ATP8A2: variants seen among roughly 807,000 people sequenced by gnomAD.
ATP8A2 encodes phospholipid-transporting ATPase IB.
In ATP8A2, 100 loss-of-function variants were observed where a neutral mutation model predicts 165.6. The ratio of observed to expected loss-of-function variants is 0.60; its 90% CI spans 0.51 to 0.71. The LOEUF (loss-of-function observed/expected upper bound fraction) is 0.71, where lower values mean the gene tolerates loss of function less well. Among genes scored for constraint, ATP8A2 ranks in the 30% least tolerant of loss-of-function variants. ATP8A2 has a pLI of 0.00. For missense variants in ATP8A2, 1,227 were observed against 1,479.5 expected, an observed-to-expected ratio of 0.83 and a Z score of 2.80; for synonymous variants, 543 against 548.8, an observed-to-expected ratio of 0.99 and a Z score of 0.15.
chr13:25,440,636 C>T (rs1480679462), intron 1 of ATP8A2, among the ~76,000 whole-genome samples: 2 of 152,186 alleles, frequency 1.3e-5, no homozygotes, highest in Non-Finnish European at 2.9e-5. Flanking sequence ...AGGTAATAGA[C>T]ACGTCTGCAA....
intron 13 of ATP8A2, among the ~76,000 whole-genome samples, chr13:25,556,122 A>G (rs1303963313): frequency 6.6e-6 from 1 of 152,204 alleles, no homozygotes; most frequent in African/African-American, 2.4e-5. Context: ...TCTTTTGGAT[A>G]TATACCCAGT....
At chr13:25,941,025 G>A (rs1348004728) in intron 33 of ATP8A2, among the ~76,000 whole-genome samples, 2 of 152,174 alleles carry the variant, frequency 1.3e-5, no homozygotes, top group African/African-American at 4.8e-5. Flanking sequence ...CCGGCCACAT[G>A]GATCCATCTT....
intron 33 of ATP8A2, among the ~76,000 whole-genome samples, chr13:25,871,947 A>G (rs1355290205): frequency 6.6e-6 from 1 of 152,144 alleles, no homozygotes; most frequent in African/African-American, 2.4e-5. Context: ...CTGTGCTCTG[A>G]AGACAAACCC....
At chr13:25,843,810 A>G (rs1951799585) in intron 30 of ATP8A2, among the ~76,000 whole-genome samples, 2 of 152,102 alleles carry the variant, frequency 1.3e-5, no homozygotes, top group African/African-American at 4.8e-5. Flanking sequence ...GTAGTGGACA[A>G]CCACCCCTAG....
In ATP8A2 at chr13:25,937,602, C is replaced by A. The variant is rs1328054577; in HGVS notation, c.3184-23973C>A. Among the ~76,000 whole-genome samples, 9 of 150,882 alleles carry A rather than the reference C, an allele frequency of 6.0e-5. No individual in the cohort carries two copies. The South Asian group carries it at 8.4e-4, about 14-fold the overall frequency. ...CGGTGGCTCACACCTGTAATCCCAG[C>A]ACTTTGGGAGGCTGAGGCTGGCGGA... On this transcript the variant is annotated intron_variant, in intron 33 of 36. Transcript: ENST00000381655.
intron 1 of ATP8A2, among the ~76,000 whole-genome samples, chr13:25,452,120 T>C (rs1291245033): frequency 6.6e-6 from 1 of 152,206 alleles, no homozygotes; most frequent in East Asian, 1.9e-4. Flanking sequence ...CCCAAAGTGC[T>C]GGGATTACAG....
chr13:25,779,479 A>G (rs1010705534), intron 27 of ATP8A2, among the ~76,000 whole-genome samples: 7 of 152,114 alleles, frequency 4.6e-5, no homozygotes, highest in Non-Finnish European at 1.0e-4. Flanking sequence ...AGCAAAAGCA[A>G]GGAGATAGAG....
At chr13:25,830,506 G>A (rs1322260866) in intron 28 of ATP8A2, among the ~76,000 whole-genome samples, 1 of 152,184 alleles carries the variant, frequency 6.6e-6, no homozygotes, top group Non-Finnish European at 1.5e-5. Context: ...GAATGGTCAA[G>A]GATCTGCCAG....
At chr13:25,443,794 G>A (rs377173220) in intron 1 of ATP8A2, among the ~76,000 whole-genome samples, 15 of 152,210 alleles carry the variant, frequency 9.9e-5, no homozygotes, top group African/African-American at 3.4e-4. Context: ...TATCTGTTTT[G>A]TTCCTTGTTG....
In ATP8A2 at chr13:25,563,090, A is replaced by G. The variant is rs548959910; in HGVS notation, c.1398-866A>G. Among the ~76,000 whole-genome samples, 58 of 152,234 alleles carry G rather than the reference A, an allele frequency of 3.8e-4. 1 individual carries two copies. The highest frequency in any genetic ancestry group is 1.4e-3 in the African/African-American group (57 of 41,520). ...ACACTCTGCTGTCATGTCTTCTTTC[A>G]TTGTCTTTGTCTTGACAACGTTGAA... On this transcript the variant is annotated intron_variant, in intron 15 of 36. Coordinates refer to ENST00000381655, the MANE Select transcript of ATP8A2 (RefSeq NM_016529.6).
chr13:25,893,760 G>A (rs368629490), intron 33 of ATP8A2, among the ~76,000 whole-genome samples: 1 of 152,112 alleles, frequency 6.6e-6, no homozygotes, highest in Non-Finnish European at 1.5e-5. Context: ...GTGTGAGATG[G>A]TATCTCATTG....
chr13:25,764,503 G>A (rs992274481), intron 25 of ATP8A2, among the ~76,000 whole-genome samples: 1 of 152,196 alleles, frequency 6.6e-6, no homozygotes, highest in African/African-American at 2.4e-5. Flanking sequence ...GTATTGTCTA[G>A]GCCAGTGCTG....
At chr13:25,977,888 G>C (rs768066664) in intron 35 of ATP8A2, among the ~76,000 whole-genome samples, 1 of 152,190 alleles carries the variant, frequency 6.6e-6, no homozygotes, top group South Asian at 2.1e-4. Context: ...TAAGTGTGGA[G>C]AGACCATCAG....
At chr13:25,619,110 T>C (rs1355856973) in intron 24 of ATP8A2, among the ~76,000 whole-genome samples, 1 of 152,114 alleles carries the variant, frequency 6.6e-6, no homozygotes, top group Non-Finnish European at 1.5e-5. Context: ...GAGCAGGAAC[T>C]CAGAGAGGCG....
chr13:25,440,534 A>G (rs1222763819), intron 1 of ATP8A2, among the ~76,000 whole-genome samples: 1 of 152,160 alleles, frequency 6.6e-6, no homozygotes, highest in Non-Finnish European at 1.5e-5. Flanking sequence ...CTTAATACTT[A>G]GAAACGTCAC....
intron 1 of ATP8A2, among the ~76,000 whole-genome samples, chr13:25,435,182 G>A (rs188282614): frequency 1.1e-3 from 163 of 150,630 alleles, no homozygotes; most frequent in African/African-American, 3.7e-3. Context: ...GTGCAGTGGC[G>A]CGATCTCGGC....
intron 6 of ATP8A2, among the ~76,000 whole-genome samples, chr13:25,534,685 A>T (rs2081318289): frequency 1.3e-5 from 2 of 152,218 alleles, no homozygotes; most frequent in African/African-American, 4.8e-5. Flanking sequence ...TTTCCATTTA[A>T]AATGTATTTA....
intron 33 of ATP8A2, among the ~76,000 whole-genome samples, chr13:25,912,183 CACACACACACACAG>C (rs1474503817): frequency 5.4e-5 from 8 of 148,204 alleles, no homozygotes; most frequent in Middle Eastern, 3.4e-3. Context: ...CACACACACA[CACACACACACACAG>C]TGGAATAGTC....
chr13:25,923,277 G>C (rs1389685524), intron 33 of ATP8A2, among the ~76,000 whole-genome samples: 1 of 152,124 alleles, frequency 6.6e-6, no homozygotes, highest in Non-Finnish European at 1.5e-5. Flanking sequence ...TTCTAAAATT[G>C]TATTTTATTA....
Sources: allele counts gnomAD v4.1 joint callset (sites outside exome capture counted in the v4.1 genomes callset), GRCh38; gene constraint gnomAD v4.1.1; transcripts MANE v1.5; gene names NCBI Gene and HGNC (gene_info 2026-07-23, HGNC 2026-07-21).